ACADM: variants seen among roughly 807,000 people sequenced by gnomAD.
ACADM encodes medium-chain specific acyl-CoA dehydrogenase, mitochondrial.
Under a neutral mutation model 58.9 loss-of-function variants are expected in ACADM, and 49 were observed. That is an observed-to-expected ratio of 0.83 (90% CI 0.66 to 1.06). The LOEUF (loss-of-function observed/expected upper bound fraction) is 1.06. ACADM is among the 50% of genes least tolerant of loss of function. ACADM has a pLI of 0.00. For missense variants in ACADM, 496 were observed against 507.0 expected, an observed-to-expected ratio of 0.98 and a Z score of 0.21; for synonymous variants, 160 against 157.7, an observed-to-expected ratio of 1.01 and a Z score of -0.11.
chr1:75,741,219 A>G (rs886122955), intron 7 of ACADM, among the ~76,000 whole-genome samples: 2 of 152,178 alleles, frequency 1.3e-5, no homozygotes, highest in Non-Finnish European at 2.9e-5. Flanking sequence ...TTTGTGTGCC[A>G]TATACTACAG....
chr1:75,730,543 C>CT (rs34314755), intron 2 of ACADM, among the ~76,000 whole-genome samples: 39,941 of 141,628 alleles, frequency 0.28, 5,855 homozygotes, highest in Non-Finnish European at 0.35. Context: ...GTCATTTTTC[C>CT]TTTTTTTTTT....
chr1:75,740,699 AG>A (rs1427508650), intron 7 of ACADM, among the ~76,000 whole-genome samples: 1 of 152,218 alleles, frequency 6.6e-6, no homozygotes, highest in Non-Finnish European at 1.5e-5. Context: ...ATAACTGTTA[AG>A]TTCAATAAGA....
chr1:75,747,156 C>A (rs1270172057), intron 8 of ACADM, among the ~76,000 whole-genome samples: 4 of 152,030 alleles, frequency 2.6e-5, no homozygotes, highest in Non-Finnish European at 5.9e-5. Context: ...GCAAACTTGG[C>A]CAAATGTATG....
chr1:75,724,761 G>A lies in ACADM; in HGVS notation c.-27G>A. 1 of 1,533,986 alleles carries A rather than the reference G, an allele frequency of 6.5e-7. No homozygotes were observed. The highest frequency in any genetic ancestry group is 2.0e-5 in the Admixed American group (1 of 50,230). The stretch of plus-strand genomic sequence containing the variant: ...TCAAGGCCGTGACCCGTGTATTATT[G>A]TCCGAGTGGCCGGAACGGGAGCCAA... On this transcript the variant is annotated 5_prime_UTR_variant, in exon 1 of 12. Coordinates refer to ENST00000370841, the MANE Select transcript of ACADM (RefSeq NM_000016.6).
intron 11 of ACADM, among the ~76,000 whole-genome samples, chr1:75,761,867 T>A (rs968283311): frequency 3.9e-5 from 6 of 152,218 alleles, no homozygotes; most frequent in Admixed American, 2.6e-4. Context: ...GTTCTCTACA[T>A]GTGGCTTAAG....
intron 10 of ACADM, among the ~76,000 whole-genome samples, chr1:75,751,116 C>T (rs1435620187): frequency 1.3e-5 from 2 of 149,896 alleles, no homozygotes; most frequent in East Asian, 2.1e-4. Flanking sequence ...CTGAGGCGGG[C>T]GGATCATGAG....
At chr1:75,738,206 A>G (rs6593514) in intron 6 of ACADM, among the ~76,000 whole-genome samples, 45,469 of 150,298 alleles carry the variant, frequency 0.3, 7,009 homozygotes, top group Non-Finnish European at 0.34. Context: ...GTGAGCCACC[A>G]TGCCCAGCCA....
At chr1:75,734,496 G>C in intron 5 of ACADM, 1 of 365,848 alleles carries the variant, frequency 2.7e-6, no homozygotes, top group East Asian at 6.6e-5. Context: ...TCTTAGGCCT[G>C]ATCATACATA....
intron 2 of ACADM, among the ~76,000 whole-genome samples, chr1:75,731,278 CAAAAAAA>C (rs56885972): frequency 4.5e-4 from 29 of 64,928 alleles, no homozygotes; most frequent in African/African-American, 1.5e-3. Context: ...GACTCCGTCT[CAAAAAAA>C]AAAAAAAAAA....
At chr1:75,743,618 T>C (rs950477378) in intron 7 of ACADM, 2 of 1,554,016 alleles carry the variant, frequency 1.3e-6, no homozygotes, top group East Asian at 2.2e-5. Flanking sequence ...GACAGGGGGG[T>C]TGATAATGGG....
At chr1:75,737,206 G>A (rs1342956283) in intron 6 of ACADM, among the ~76,000 whole-genome samples, 4 of 145,258 alleles carry the variant, frequency 2.8e-5, no homozygotes, top group African/African-American at 1.0e-4. Context: ...GCCAAGGCAG[G>A]AGGATCGCTT....
intron 10 of ACADM, among the ~76,000 whole-genome samples, chr1:75,753,096 C>T (rs1291551923): frequency 6.6e-6 from 1 of 152,156 alleles, no homozygotes; most frequent in Non-Finnish European, 1.5e-5. Flanking sequence ...TAACAAAAGT[C>T]CTTTTTTTTC....
At chr1:75,760,300 C>T (rs1648757572) in intron 10 of ACADM, among the ~76,000 whole-genome samples, 1 of 140,142 alleles carries the variant, frequency 7.1e-6, no homozygotes, top group Non-Finnish European at 1.5e-5. Flanking sequence ...TGTGGTGGCA[C>T]ACGCCCAGCT....
At position 75,732,663 on chromosome 1, in the gene ACADM, A is replaced by G. The variant is rs781177517; in HGVS notation, c.138A>G (p.Lys46=). ...GFSFEFTEQQ[K]EFQATARKFA... ...CCTTAGAGTTCACCGAACAGCAGAAAGAATTTCAAGCTACTGCTCGTAAAT... is the reference window on the plus strand; with the variant it reads ...CCTTAGAGTTCACCGAACAGCAGAAGGAATTTCAAGCTACTGCTCGTAAAT... The change falls in exon 3 of 12, where the codon AAA becomes AAG. Residue 46 remains lysine (K), a synonymous_variant. Transcript: ENST00000370841. 6.2e-7 allele frequency: 1 copy of G among 1,614,034 alleles called. No individual in the cohort carries two copies. The highest frequency in any genetic ancestry group is 1.1e-5 in the South Asian group (1 of 91,082).
chr1:75,759,778 C>T (rs900829568), intron 10 of ACADM, among the ~76,000 whole-genome samples: 4 of 150,856 alleles, frequency 2.7e-5, no homozygotes, highest in Non-Finnish European at 5.9e-5. Flanking sequence ...TCTTCTGCCT[C>T]AGCCTCCTGA....
intron 10 of ACADM, chr1:75,750,791 C>T (rs892569051): frequency 2.6e-5 from 13 of 509,512 alleles, no homozygotes; most frequent in Middle Eastern, 5.4e-4. Context: ...CTCTGTTGCT[C>T]AGGCTAGAGT....
intron 1 of ACADM, among the ~76,000 whole-genome samples, chr1:75,727,952 G>A (rs78591246): frequency 0.02 from 3,026 of 152,216 alleles, 118 homozygotes; most frequent in African/African-American, 0.068. Context: ...GTTTCCAGAG[G>A]CATGCATGGG....
At chr1:75,751,099 TG>T (rs368070202) in intron 10 of ACADM, among the ~76,000 whole-genome samples, 6,179 of 150,472 alleles carry the variant, frequency 0.041, 174 homozygotes, top group Non-Finnish European at 0.064. Context: ...CCCAGCACTT[TG>T]GGAGGCTGAG....
intron 11 of ACADM, among the ~76,000 whole-genome samples, chr1:75,761,877 G>T (rs1648879941): frequency 6.6e-6 from 1 of 152,212 alleles, no homozygotes; most frequent in African/African-American, 2.4e-5. Flanking sequence ...TGTGGCTTAA[G>T]TAATTACTTA....
Sources: allele counts gnomAD v4.1 joint callset (sites outside exome capture counted in the v4.1 genomes callset), GRCh38; gene constraint gnomAD v4.1.1; transcripts MANE v1.5; gene names NCBI Gene and HGNC (gene_info 2026-07-23, HGNC 2026-07-21).